ORC1: variants seen among roughly 807,000 people sequenced by gnomAD.
ORC1 encodes the protein origin recognition complex, subunit 1 homolog.
ORC1 carries 61 observed loss-of-function variants against 98.9 expected under a neutral mutation model. The ratio of observed to expected loss-of-function variants is 0.62; its 90% CI spans 0.50 to 0.76. ORC1 has a LOEUF of 0.76. Among genes scored for constraint, ORC1 ranks in the 30% least tolerant of loss-of-function variants. The pLI is 0.00. For missense variants in ORC1, 979 were observed against 1,072.2 expected (o/e 0.91, Z 1.21); for synonymous variants, 385 against 406.9 (o/e 0.95, Z 0.65).
Position 52,383,488 on chromosome 1 carries a change from C to T in ORC1, c.1945G>A (p.Val649Ile). ...WPTHKEARLV[V>I]LAIANTMDLP... ...TCCATTGTGTTGGCAATTGCCAGGA[C>T]CACAAGCCGGGCCTCCTTATGAGTG... Residue 649 changes from valine (V) to isoleucine (I), a missense_variant, in exon 13 of 17, where the codon GTC becomes ATC. Val to Ile is a conservative substitution (Grantham distance 29). Coordinates refer to ENST00000371568, the MANE Select transcript of ORC1 (RefSeq NM_004153.4). 6.2e-7 allele frequency: 1 copy of T among 1,613,622 alleles called. No homozygotes were observed.
intron 3 of ORC1, among the ~76,000 whole-genome samples, chr1:52,400,849 CTAGCCTTTCCAACA>C (rs1317166562): frequency 1.3e-5 from 2 of 152,198 alleles, no homozygotes; most frequent in Non-Finnish European, 2.9e-5. Context: ...ACCTTTTCTT[CTAGCCTTTCCAACA>C]TTAACACACA....
At chr1:52,382,572 C>CTTTT (rs3049207) in intron 13 of ORC1, among the ~76,000 whole-genome samples, 28 of 107,396 alleles carry the variant, frequency 2.6e-4, no homozygotes, top group East Asian at 5.1e-4. Flanking sequence ...AGTGCTAAAA[C>CTTTT]TTTTTTTTTT....
At position 52,375,523 on chromosome 1, in the gene ORC1, T is replaced by C. The variant is rs1304206801; in HGVS notation, c.2210A>G (p.Gln737Arg). Reference sequence around the variant, plus strand: ...CAGGCCAGGGGAGTCAGGCTTCTGCTGGGAGAACTCACAGATCTCTGTGGC... The same window carrying C: ...CAGGCCAGGGGAGTCAGGCTTCTGCCGGGAGAACTCACAGATCTCTGTGGC... ...RRATEICEFS[Q>R]QKPDSPGLVT... Residue 737 changes from glutamine to arginine, a missense_variant, in exon 15 of 17, where the codon CAG becomes CGG. Coordinates refer to ENST00000371568, the MANE Select transcript of ORC1 (RefSeq NM_004153.4). 3.7e-6 allele frequency: 6 copies of C among 1,614,046 alleles called. No individual in the cohort carries two copies. In the Admixed American group the frequency reaches 8.3e-5, roughly 22 times the overall value.
At chr1:52,373,813 T>C (rs986606950) in intron 16 of ORC1, among the ~76,000 whole-genome samples, 1 of 152,112 alleles carries the variant, frequency 6.6e-6, no homozygotes, top group African/African-American at 2.4e-5. Context: ...ACTTTCCTTA[T>C]CAGGTACAGT....
intron 5 of ORC1, among the ~76,000 whole-genome samples, chr1:52,394,928 G>T (rs1478792021): frequency 6.6e-6 from 1 of 152,228 alleles, no homozygotes; most frequent in Non-Finnish European, 1.5e-5. Flanking sequence ...GGGACTACAG[G>T]TGTGAGCCAC....
intron 8 of ORC1, among the ~76,000 whole-genome samples, chr1:52,387,550 C>A (rs1647159558): frequency 6.6e-6 from 1 of 152,182 alleles, no homozygotes; most frequent in African/African-American, 2.4e-5. Flanking sequence ...CTCTGCCTCG[C>A]AGGTTCAAGT....
intron 3 of ORC1, among the ~76,000 whole-genome samples, chr1:52,401,093 C>A (rs1013702273): frequency 4.0e-5 from 6 of 151,674 alleles, no homozygotes; most frequent in Non-Finnish European, 7.4e-5. Context: ...CCATTCTCTC[C>A]ATCCCCCCCA....
At chr1:52,387,758 G>A (rs1647163297) in intron 8 of ORC1, among the ~76,000 whole-genome samples, 1 of 152,128 alleles carries the variant, frequency 6.6e-6, no homozygotes, top group Non-Finnish European at 1.5e-5. Context: ...ATGCCCAGCC[G>A]AGATTTTTCT....
Position 52,397,749 on chromosome 1 carries a change from A to T in ORC1, c.338T>A (p.Phe113Tyr). The T allele has an allele frequency of 6.2e-7, 1 of 1,614,206 alleles. No homozygotes were observed. The highest frequency in any genetic ancestry group is 8.5e-7 in the Non-Finnish European group (1 of 1,180,040). Residue 113 changes from phenylalanine (F) to tyrosine (Y), a missense_variant, in exon 4 of 17, where the codon TTC (phenylalanine) becomes TAC (tyrosine). By Grantham distance (22) the Phe-to-Tyr change is conservative (BLOSUM62 3). Transcript: ENST00000371568. ...GTCACAGGCCGGGTAATCATACCAG[A>T]ATATTTCCTGTGCACCAGGCTTCCG... is the stretch of plus-strand genomic sequence containing the variant. ...LGRKPGAQEI[F>Y]WYDYPACDSN...
At chr1:52,385,423 TTTGGCCTCATAATCC>T (rs554659291) in intron 9 of ORC1, among the ~76,000 whole-genome samples, 161 bp from the exon 10 acceptor site, 74 of 152,276 alleles carry the variant, frequency 4.9e-4, no homozygotes, top group African/African-American at 1.5e-3. Context: ...AATCCCTCCA[TTTGGCCTCATAATCC>T]TTGGCCTCCG....
At position 52,381,771 on chromosome 1, in the gene ORC1, C is replaced by A; in HGVS notation, c.2014-10G>T. 1 of 1,612,058 alleles carries A rather than the reference C, an allele frequency of 6.2e-7. No homozygotes were observed. Among genetic ancestry groups the A allele is most frequent in the South Asian group, 1.1e-5 (1 of 90,958 alleles). ...ACATCCTGGTAAGACCCTGGGGAGC[C>A]AAAATGACAGAGGAATAAGTTGGTT... is the stretch of plus-strand genomic sequence containing the variant. On this transcript the variant is annotated splice_polypyrimidine_tract_variant and intron_variant, in intron 13 of 16. Coordinates refer to ENST00000371568, the MANE Select transcript of ORC1 (RefSeq NM_004153.4).
chr1:52,393,948 C>T (rs1647288098), intron 5 of ORC1, 145 bp from the exon 6 acceptor site: 1 of 873,540 alleles, frequency 1.1e-6, no homozygotes, highest in African/African-American at 1.7e-5. Context: ...CTTTCTCCAG[C>T]CCAGGTAGCT....
intron 14 of ORC1, among the ~76,000 whole-genome samples, chr1:52,379,755 A>G (rs1647037477): frequency 6.6e-6 from 1 of 151,714 alleles, no homozygotes; most frequent in Non-Finnish European, 1.5e-5. Context: ...CAACATGGTT[A>G]AACCCTGTCT....
chr1:52,382,042 G>A (rs1423499127), intron 13 of ORC1, among the ~76,000 whole-genome samples: 4 of 152,164 alleles, frequency 2.6e-5, no homozygotes, highest in African/African-American at 9.6e-5. Flanking sequence ...GCAGTGGCAT[G>A]ATCTCGGCTC....
chr1:52,385,735 T>A, intron 9 of ORC1, 117 bp downstream of exon 9: 1 of 755,604 alleles, frequency 1.3e-6, no homozygotes, highest in Non-Finnish European at 2.4e-6. Context: ...GGTAAAAGTA[T>A]AGACACACAG....
intron 14 of ORC1, among the ~76,000 whole-genome samples, chr1:52,380,577 C>A (rs567362300): frequency 2.0e-5 from 3 of 152,110 alleles, no homozygotes; most frequent in Admixed American, 6.5e-5. Flanking sequence ...CGCCTGTAAT[C>A]CCAGCTACTC....
chr1:52,407,431 G>A (rs572449021), upstream of ORC1, among the ~76,000 whole-genome samples: 5 of 152,180 alleles, frequency 3.3e-5, 1 homozygote, highest in South Asian at 1.0e-3. Flanking sequence ...TATATACCAA[G>A]CCATAAATTA....
In ORC1 at chr1:52,378,074, C is replaced by T. The variant is rs181124435; in HGVS notation, c.2134-2475G>A. On this transcript the variant is annotated intron_variant, in intron 14 of 16. Transcript: ENST00000371568. ...AAAAAAACCGGGCTGGGGCGGGGCGCGGTGGCTCACGCCTGTAATCCCAGC... is the reference window on the plus strand; with the variant it reads ...AAAAAAACCGGGCTGGGGCGGGGCGTGGTGGCTCACGCCTGTAATCCCAGC... 5.9e-3 allele frequency among the ~76,000 whole-genome samples: 891 copies of T among 152,250 alleles called. 1 individual carries two copies. The highest frequency in any genetic ancestry group is 9.3e-3 in the Non-Finnish European group (633 of 68,010).
chr1:52,380,498 C>T (rs577859006), intron 14 of ORC1, among the ~76,000 whole-genome samples: 10 of 152,160 alleles, frequency 6.6e-5, no homozygotes, highest in Non-Finnish European at 1.2e-4. Flanking sequence ...GAGTTCAAGA[C>T]CAGCCTGGCC....
Sources: gnomAD v4.1 joint callset for allele counts (sites outside exome capture counted in the v4.1 genomes callset) on GRCh38, gnomAD v4.1.1 for gene constraint, MANE v1.5 for transcripts, NCBI Gene and HGNC (gene_info 2026-07-23, HGNC 2026-07-21) for gene names.